ATG16L2: variants seen among roughly 807,000 people sequenced by gnomAD.
The protein encoded by ATG16L2 is autophagy related 16 like 2, also known as protein Atg16l2.
A neutral mutation model predicts 84.7 loss-of-function variants in ATG16L2; 77 were observed. That is an observed-to-expected ratio of 0.91 (90% confidence interval 0.76 to 1.10). The LOEUF (loss-of-function observed/expected upper bound fraction) is 1.10, where lower values mean the gene tolerates loss of function less well. Ranked by LOEUF, ATG16L2 falls within the 50% of genes least tolerant of loss-of-function variation. ATG16L2 has a pLI of 0.00. For synonymous variants in ATG16L2, 361 were observed against 342.8 expected (o/e 1.05, Z -0.59); for missense variants, 782 against 817.6 (o/e 0.96, Z 0.53).
intron 7 of ATG16L2, 107 bp from the exon 8 acceptor site, chr11:72,823,953 G>C: frequency 8.0e-7 from 1 of 1,245,760 alleles, no homozygotes; most frequent in East Asian, 2.3e-5. Context: ...TCCCAGACTT[G>C]AGAGGTTACA....
chr11:72,826,079 G>A (rs1860330896), intron 10 of ATG16L2, 94 bp from the exon 11 acceptor site: 1 of 1,009,144 alleles, frequency 9.9e-7, no homozygotes, highest in Admixed American at 2.2e-5. Flanking sequence ...GTCGGGGGGT[G>A]GGGCGGGAAC....
intron 5 of ATG16L2, chr11:72,841,601 G>C: frequency 6.3e-7 from 1 of 1,583,238 alleles, no homozygotes; most frequent in East Asian, 2.3e-5. Context: ...AAAGGGAAGC[G>C]AGGTTACCCG....
In ATG16L2 at chr11:72,822,615, C is replaced by A; in HGVS notation, c.710+72C>A. ...CCCCGCCTGCCTGCGGCGACCCAGG[C>A]TGCCGACTGTACTTGTGCACAGCCC... On this transcript the variant is annotated intron_variant, in intron 6 of 17. Transcript: ENST00000321297. This position sits in a 1 kb window ranked among gnomAD's most constrained non-coding sequence, Gnocchi z 4.2. 2 of 1,569,336 alleles carry A rather than the reference C, an allele frequency of 1.3e-6. No individual in the cohort carries two copies. The highest frequency in any genetic ancestry group is 1.9e-5 in the Admixed American group (1 of 52,858).
At chr11:72,835,687 T>TA (rs2135137082) in intron 5 of ATG16L2, among the ~76,000 whole-genome samples, 1 of 152,184 alleles carries the variant, frequency 6.6e-6, no homozygotes, top group South Asian at 2.1e-4. Flanking sequence ...ATTAAATACA[T>TA]ACCTTTTTGA....
intron 9 of ATG16L2, 65 bp from the exon 10 acceptor site, chr11:72,825,237 C>T (rs1860277405): frequency 1.6e-6 from 2 of 1,272,084 alleles, no homozygotes; most frequent in Non-Finnish European, 2.3e-6. Flanking sequence ...GGTAAGAGGG[C>T]CCGTGAGCAC....
chr11:72,825,773 G>A (rs559056913), intron 10 of ATG16L2, among the ~76,000 whole-genome samples: 7 of 152,250 alleles, frequency 4.6e-5, no homozygotes, highest in Non-Finnish European at 4.4e-5. Flanking sequence ...TCAGAACTCA[G>A]GTAAGAGACA....
rs545472967 is a variant in ATG16L2 at position 72,838,727 on chromosome 11, A to T, written c.*22-3890A>T. The T allele has an allele frequency of 2.5e-5, 35 of 1,412,786 alleles. No homozygotes were observed. The Admixed American group carries it at 6.5e-4, about 26-fold the overall frequency. The allele number at this position is 1,412,786 out of a possible 1,614,324, so 87.5% of individuals were successfully genotyped here. A position where few individuals can be genotyped will look rare whatever the true frequency, so the allele number is the denominator to read the frequency against. ...ATCATCATGCAAAGGTGCCTAAAAA[A>T]CAAGACTGGCCAAACTCCAAGCCTG... is the stretch of plus-strand genomic sequence containing the variant. On this transcript the variant is annotated intron_variant, in intron 5 of 5. Coordinates refer to the ATG16L2 transcript ENST00000534905.
intron 5 of ATG16L2, among the ~76,000 whole-genome samples, chr11:72,835,803 T>C (rs1860713867): frequency 6.6e-6 from 1 of 151,620 alleles, no homozygotes; most frequent in African/African-American, 2.4e-5. Context: ...GACTGGAGTG[T>C]AATGGCACAA....
At chr11:72,841,287 T>C (rs529295576) in intron 5 of ATG16L2, among the ~76,000 whole-genome samples, 2 of 128,468 alleles carry the variant, frequency 1.6e-5, no homozygotes, top group South Asian at 4.7e-4. Flanking sequence ...GCCGTGATCA[T>C]GCCACTGAAC....
chr11:72,828,457 A>G lies in ATG16L2; in HGVS notation c.1571A>G (p.Asn524Ser), dbSNP rs748806104. The change falls in exon 15 of 18, where the codon AAC becomes AGC. Residue 524 changes from asparagine to serine, a missense_variant. Physicochemically the swap from Asn to Ser is conservative, Grantham distance 46. Transcript: ENST00000321297. Reference protein sequence around the residue: ...QLHLLSCSRDNTLKVIDLRVS... With the variant: ...QLHLLSCSRDSTLKVIDLRVS... ...CACCTGCTCAGCTGTTCCCGAGACA[A>G]CACACTCAAGGTCATCGACCTGCGT... The G allele has an allele frequency of 7.4e-6, 12 of 1,614,070 alleles. No homozygotes were observed. The highest frequency in any genetic ancestry group is 1.0e-5 in the Non-Finnish European group (12 of 1,180,048).
intron 3 of ATG16L2, chr11:72,820,342 CTT>C (rs1196113612): frequency 2.0e-5 from 3 of 152,294 alleles, no homozygotes; most frequent in Non-Finnish European, 4.4e-5. Flanking sequence ...GCAAAGATCT[CTT>C]TCTTATTACC....
intron 2 of ATG16L2, among the ~76,000 whole-genome samples, chr11:72,817,421 A>G (rs1859758016): frequency 6.6e-6 from 1 of 152,002 alleles, no homozygotes; most frequent in African/African-American, 2.4e-5. Flanking sequence ...GGGTTTCACC[A>G]TGTTGGCCAG....
rs1452118562 is a variant in ATG16L2 at position 72,822,692 on chromosome 11, G to A, written c.710+149G>A. The A allele has an allele frequency of 5.2e-6, 6 of 1,156,896 alleles. No individual in the cohort carries two copies. The highest frequency in any genetic ancestry group is 7.3e-6 in the Non-Finnish European group (6 of 816,886). The allele number at this position is 1,156,896 out of a possible 1,614,324, so 71.7% of individuals were successfully genotyped here. Reference sequence around the variant, plus strand: ...GCCCACGAGACACCTGCAGAGGACCGTGTGGTCGTAGGAGCCTGCATGCGT... The same window carrying A: ...GCCCACGAGACACCTGCAGAGGACCATGTGGTCGTAGGAGCCTGCATGCGT... On this transcript the variant is annotated intron_variant, in intron 6 of 17. Coordinates refer to ENST00000321297, the MANE Select transcript of ATG16L2 (RefSeq NM_033388.2). The surrounding 1 kb of genome is among the most constrained non-coding windows in gnomAD (Gnocchi z 4.2).
chr11:72,840,635 T>A (rs549989403), intron 5 of ATG16L2, among the ~76,000 whole-genome samples: 1 of 152,348 alleles, frequency 6.6e-6, no homozygotes, highest in Non-Finnish European at 1.5e-5. Flanking sequence ...ATCACTTTCA[T>A]AGCCATCATC....
At chr11:72,827,906 C>A (rs1860454168) in intron 14 of ATG16L2, among the ~76,000 whole-genome samples, 1 of 152,184 alleles carries the variant, frequency 6.6e-6, no homozygotes, top group Non-Finnish European at 1.5e-5. Context: ...GCCGTCCAGC[C>A]TGGGCGACAG....
At chr11:72,824,286 C>T in intron 8 of ATG16L2, 164 bp downstream of exon 8, 2 of 770,916 alleles carry the variant, frequency 2.6e-6, no homozygotes, top group South Asian at 1.6e-5. Context: ...TGGCCTCAGC[C>T]CCGGCCCCGG....
At chr11:72,821,498 C>T in intron 3 of ATG16L2, 170 bp from the exon 4 acceptor site, 8 of 1,420,146 alleles carry the variant, frequency 5.6e-6, no homozygotes, top group Non-Finnish European at 6.4e-6. Context: ...CACTGCTCCA[C>T]AAACAGCAGC....
chr11:72,843,697 T>C (rs1288975335), downstream of ATG16L2: 1 of 603,522 alleles, frequency 1.7e-6, no homozygotes, highest in Non-Finnish European at 2.9e-6. Context: ...GGTGAAGTTT[T>C]ACTTTAAAAA....
rs376493601 is a variant in ATG16L2 at position 72,825,389 on chromosome 11, C to T, written c.1084C>T (p.Leu362Phe). ...TGGAGGGGCTGACCGCCTGATCCAC[C>T]TCTGGAATGTTGTGGGAAGTAAGGA... is the stretch of plus-strand genomic sequence containing the variant. ...ATGGADRLIH[L>F]WNVVGSRLEA... The change falls in exon 10 of 18, where the codon CTC becomes TTC. Residue 362 changes from leucine to phenylalanine, a missense_variant. By Grantham distance (22) the Leu-to-Phe change is conservative (BLOSUM62 0). Transcript: ENST00000321297. 1.9e-6 allele frequency: 3 copies of T among 1,612,518 alleles called. No individual in the cohort carries two copies. Among genetic ancestry groups the T allele is most frequent in the South Asian group, 1.1e-5 (1 of 91,080 alleles).
Sources: allele counts gnomAD v4.1 joint callset (sites outside exome capture counted in the v4.1 genomes callset), GRCh38; gene constraint gnomAD v4.1.1; non-coding constraint Gnocchi (gnomAD v3.1); transcripts MANE v1.5; gene names NCBI Gene and HGNC (gene_info 2026-07-23, HGNC 2026-07-21).